The following GLI2 variants were observed in gnomAD, a reference collection of about 807,000 sequenced individuals.
The protein encoded by GLI2 is GLI family zinc finger 2, also known as transcription activator GLI2.
GLI2 carries 22 observed loss-of-function variants against 78.9 expected under a neutral mutation model. The ratio of observed to expected loss-of-function variants is 0.28; its 90% CI spans 0.20 to 0.40. The LOEUF (loss-of-function observed/expected upper bound fraction) is 0.40. Ranked by LOEUF, GLI2 falls within the 10% of genes least tolerant of loss-of-function variation. GLI2 has a pLI of 1.00. For synonymous variants in GLI2, 974 were observed against 963.7 expected (o/e 1.01, Z -0.20); for missense variants, 2,097 against 2,213.2 (o/e 0.95, Z 1.05).
intron 1 of GLI2, among the ~76,000 whole-genome samples, chr2:120,777,775 TG>T (rs1683725488): frequency 6.7e-6 from 1 of 149,060 alleles, no homozygotes; most frequent in Admixed American, 6.7e-5. Context: ...ACATTGCCTC[TG>T]GGGGGCTACT....
At chr2:120,851,251 G>A (rs988590843) in intron 2 of GLI2, among the ~76,000 whole-genome samples, 2 of 152,248 alleles carry the variant, frequency 1.3e-5, no homozygotes, top group Admixed American at 1.3e-4. Flanking sequence ...CCTCTCAGTG[G>A]TGTTCCTGGG....
At chr2:120,830,819 C>T (rs1286872981) in intron 2 of GLI2, among the ~76,000 whole-genome samples, 1 of 152,072 alleles carries the variant, frequency 6.6e-6, no homozygotes, top group African/African-American at 2.4e-5. Context: ...TCTCTCTGTC[C>T]TTCTCTGACT....
chr2:120,910,350 G>A (rs965309484), intron 2 of GLI2, among the ~76,000 whole-genome samples: 2 of 152,194 alleles, frequency 1.3e-5, no homozygotes, highest in Non-Finnish European at 2.9e-5. Context: ...AAATGGGGGA[G>A]GGATGGTGGC....
chr2:120,951,950 T>C (rs937696467), intron 4 of GLI2, among the ~76,000 whole-genome samples: 1 of 152,176 alleles, frequency 6.6e-6, no homozygotes, highest in Non-Finnish European at 1.5e-5. Flanking sequence ...AGAGAGAACA[T>C]TGATTGGCCC....
intron 2 of GLI2, among the ~76,000 whole-genome samples, chr2:120,834,449 C>G (rs984712100): frequency 3.9e-5 from 6 of 152,074 alleles, no homozygotes; most frequent in Non-Finnish European, 7.4e-5. Context: ...ATGTGGCCTC[C>G]CAGAGTGTAG....
intron 1 of GLI2, among the ~76,000 whole-genome samples, 196 bp downstream of exon 1, chr2:120,736,481 G>C (rs1682357055): frequency 6.6e-6 from 1 of 151,986 alleles, no homozygotes; most frequent in Non-Finnish European, 1.5e-5. Context: ...TGGGGCTCTG[G>C]ACGAGCAGGG....
At chr2:120,740,423 A>T (rs183102029) in intron 1 of GLI2, among the ~76,000 whole-genome samples, 17 of 143,946 alleles carry the variant, frequency 1.2e-4, no homozygotes, top group African/African-American at 4.3e-4. Flanking sequence ...GTGTGCTTGC[A>T]CATGTGTGTT....
chr2:120,982,660 G>C (rs549876383), intron 10 of GLI2, 56 bp from the exon 11 acceptor site: 7 of 1,513,136 alleles, frequency 4.6e-6, no homozygotes, highest in African/African-American at 1.4e-5. Context: ...AGCAGCAGCC[G>C]GCCTCAAGGT....
rs745719628 is a variant in GLI2, at chr2:120,989,311, G to A, written c.3346G>A (p.Ala1116Thr). The A allele has an allele frequency of 3.1e-6, 5 of 1,613,054 alleles. No homozygotes were observed. The South Asian group carries it at 5.5e-5, about 18-fold the overall frequency. Residue 1116 changes from alanine (A) to threonine (T), a missense_variant, in exon 14 of 14, where the codon GCG (alanine) becomes ACG (threonine). Physicochemically the swap from Ala to Thr is moderately conservative, Grantham distance 58 (BLOSUM62 0). Around this residue, in one of 5 missense-constraint regions of GLI2, gnomAD observed 1,290 missense variants for 1,261.7 expected, o/e 1.02. Coordinates refer to ENST00000361492, the MANE Select transcript of GLI2 (RefSeq NM_001374353.1). ...MLGGCQLGFG[A>T]PSSLNKNNMP... The stretch of plus-strand genomic sequence containing the variant: ...GGGAGGATGCCAGTTAGGCTTTGGG[G>A]CGCCCTCCAGCCTGAACAAAAATAA...
intron 1 of GLI2, among the ~76,000 whole-genome samples, chr2:120,749,116 TG>T (rs1223773142): frequency 2.0e-5 from 3 of 152,368 alleles, no homozygotes; most frequent in Admixed American, 6.5e-5. Context: ...GGCTCTCACT[TG>T]TCTCTGGGAT....
chr2:120,947,212 G>A (rs781101164), intron 3 of GLI2, among the ~76,000 whole-genome samples: 48 of 152,216 alleles, frequency 3.2e-4, no homozygotes, highest in Non-Finnish European at 5.9e-4. Context: ...CCACTTCCCT[G>A]CCAGGGCACA....
At chr2:120,954,715 C>G (rs1248122366) in intron 4 of GLI2, among the ~76,000 whole-genome samples, 1 of 152,196 alleles carries the variant, frequency 6.6e-6, no homozygotes, top group East Asian at 1.9e-4. Flanking sequence ...GGGCTGACCT[C>G]AGGGTTGAAG....
At chr2:120,815,949 C>G (rs935164163) in intron 2 of GLI2, among the ~76,000 whole-genome samples, 1 of 152,174 alleles carries the variant, frequency 6.6e-6, no homozygotes. Flanking sequence ...TCCTGTACTT[C>G]CAGCTTCATG....
chr2:120,908,398 C>G (rs1678650446), intron 2 of GLI2, among the ~76,000 whole-genome samples: 1 of 152,210 alleles, frequency 6.6e-6, no homozygotes, highest in Non-Finnish European at 1.5e-5. Flanking sequence ...CATGGGGACC[C>G]CTTTCCCAAG....
At chr2:120,905,234 A>T (rs899830931) in intron 2 of GLI2, among the ~76,000 whole-genome samples, 1 of 151,716 alleles carries the variant, frequency 6.6e-6, no homozygotes, top group Admixed American at 6.6e-5. Context: ...GGAGAGAAGG[A>T]GGAGGGGAGG....
intron 2 of GLI2, among the ~76,000 whole-genome samples, chr2:120,870,344 G>A (rs1688363902): frequency 1.3e-5 from 2 of 152,200 alleles, no homozygotes; most frequent in African/African-American, 4.8e-5. Context: ...CCTCATGGCT[G>A]TAGATTACTT....
At chr2:120,778,742 CACCCA>C (rs1289531362) in intron 1 of GLI2, among the ~76,000 whole-genome samples, 2 of 152,236 alleles carry the variant, frequency 1.3e-5, no homozygotes, top group Non-Finnish European at 2.9e-5. Context: ...GAACCTGGCA[CACCCA>C]TGGCCTCTGG....
chr2:120,822,775 A>T (rs1235251791), intron 2 of GLI2, among the ~76,000 whole-genome samples: 1 of 152,220 alleles, frequency 6.6e-6, no homozygotes, highest in South Asian at 2.1e-4. Context: ...AACAAAACAC[A>T]CAAAAGTAAC....
intron 2 of GLI2, among the ~76,000 whole-genome samples, chr2:120,911,512 C>T (rs951923693): frequency 1.3e-5 from 2 of 152,116 alleles, no homozygotes; most frequent in Non-Finnish European, 2.9e-5. Flanking sequence ...TTTCTCTCCT[C>T]GGTCCTAAAT....
Sources: allele counts gnomAD v4.1 joint callset (sites outside exome capture counted in the v4.1 genomes callset), GRCh38; gene constraint gnomAD v4.1.1; regional missense constraint gnomAD v4.1.1; transcripts MANE v1.5; gene names NCBI Gene and HGNC (gene_info 2026-07-23, HGNC 2026-07-21).